Variants in SCFD2 observed in about 807,000 individuals in gnomAD.
The protein encoded by SCFD2 is sec1 family domain containing 2, also known as sec1 family domain-containing protein 2.
A neutral mutation model predicts 58.9 loss-of-function variants in SCFD2; 54 were observed. The observed-to-expected ratio is 0.92, with a 90% CI of 0.74 to 1.15. The LOEUF is 1.15. Among genes scored for constraint, SCFD2 ranks in the 50% most tolerant of loss-of-function variants. The probability of loss-of-function intolerance (pLI) is 0.00; values close to 1 mark genes in which losing one functional copy is unlikely to be tolerated. For missense variants in SCFD2, 805 were observed against 836.6 expected (o/e 0.96, Z 0.47); for synonymous variants, 321 against 335.9 (o/e 0.96, Z 0.49).
rs1466624555 is a variant in SCFD2 at position 53,134,151 on chromosome 4, A to G, written c.1561+11182T>C. ...GTAAATTCATAGAATCAAAGAGTGAAATGATGGTTACCCAGGGCTGGGGTG... is the reference window on the plus strand; with the variant it reads ...GTAAATTCATAGAATCAAAGAGTGAGATGATGGTTACCCAGGGCTGGGGTG... On this transcript the variant is annotated intron_variant, in intron 5 of 8. Transcript: ENST00000401642. 2.0e-5 allele frequency among the ~76,000 whole-genome samples: 3 copies of G among 152,152 alleles called. No homozygotes were observed. In the East Asian group the frequency reaches 5.8e-4, roughly 29 times the overall value.
intron 5 of SCFD2, among the ~76,000 whole-genome samples, chr4:53,097,666 G>T (rs1481498797): frequency 6.6e-6 from 1 of 152,202 alleles, no homozygotes; most frequent in Non-Finnish European, 1.5e-5. Flanking sequence ...TGCAAAGAGA[G>T]ACAATTTGAC....
At chr4:53,144,467 CAT>C (rs1237101131) in intron 5 of SCFD2, among the ~76,000 whole-genome samples, 2 of 146,692 alleles carry the variant, frequency 1.4e-5, no homozygotes, top group Non-Finnish European at 3.0e-5. Flanking sequence ...ATATACTGGA[CAT>C]ATAGATACAG....
At chr4:53,274,099 G>A in intron 3 of SCFD2, 98 bp from the exon 4 acceptor site, 1 of 1,032,134 alleles carries the variant, frequency 9.7e-7, no homozygotes, top group Non-Finnish European at 1.4e-6. Flanking sequence ...TATTTGGGCA[G>A]AACTTCAGAG....
chr4:53,255,352 C>T (rs1022021328), intron 4 of SCFD2, among the ~76,000 whole-genome samples: 3 of 152,024 alleles, frequency 2.0e-5, no homozygotes, highest in South Asian at 2.1e-4. Flanking sequence ...AGGCAGAGGA[C>T]CCTGCGGCCT....
intron 2 of SCFD2, among the ~76,000 whole-genome samples, chr4:53,347,531 A>T (rs1734092146): frequency 6.6e-6 from 1 of 152,192 alleles, no homozygotes; most frequent in South Asian, 2.1e-4. Flanking sequence ...AGGAAAAAAA[A>T]ATGAAATAGG....
chr4:53,365,976 C>G lies in SCFD2; in HGVS notation c.-35G>C. The G allele has an allele frequency of 1.3e-6, 2 of 1,506,226 alleles. No individual in the cohort carries two copies. The highest frequency in any genetic ancestry group is 2.6e-5 in the South Asian group (2 of 75,864). 93.3% of individuals were successfully genotyped at this position (1,506,226 alleles called of 1,614,324 possible). A position where few individuals can be genotyped will look rare whatever the true frequency, so the allele number is the denominator to read the frequency against. On this transcript the variant is annotated 5_prime_UTR_variant, in exon 1 of 9. Transcript: ENST00000401642. The surrounding 1 kb of genome is among the most constrained non-coding windows in gnomAD (Gnocchi z 4.3). ...TTCGCAGACTTGGGAAACTACGGTG[C>G]AGGAACTTCTTTCAGAACTCACCGC...
chr4:53,330,529 A>G (rs1190769871), intron 2 of SCFD2, among the ~76,000 whole-genome samples: 1 of 152,222 alleles, frequency 6.6e-6, no homozygotes, highest in Non-Finnish European at 1.5e-5. Flanking sequence ...AAAATACTTT[A>G]CAGACAAGCA....
intron 5 of SCFD2, among the ~76,000 whole-genome samples, chr4:53,002,844 G>A (rs1721893892): frequency 6.6e-6 from 1 of 152,186 alleles, no homozygotes; most frequent in Non-Finnish European, 1.5e-5. Context: ...TGTACAGGAA[G>A]CATGGTGGAA....
intron 2 of SCFD2, among the ~76,000 whole-genome samples, chr4:53,343,060 A>G (rs936823490): frequency 6.6e-6 from 1 of 152,204 alleles, no homozygotes; most frequent in Non-Finnish European, 1.5e-5. Flanking sequence ...TAGAGAAGCA[A>G]GAGCAAACAC....
At chr4:53,093,361 G>A (rs1308963110) in intron 5 of SCFD2, among the ~76,000 whole-genome samples, 2 of 152,156 alleles carry the variant, frequency 1.3e-5, no homozygotes, top group Admixed American at 6.6e-5. Flanking sequence ...AGAGTCTGAA[G>A]AAACAGTATT....
At chr4:53,271,998 C>A (rs1309182216) in intron 4 of SCFD2, among the ~76,000 whole-genome samples, 8 of 152,070 alleles carry the variant, frequency 5.3e-5, no homozygotes, top group East Asian at 1.9e-4. Context: ...AACTCAAACA[C>A]ATTTACAAGA....
chr4:52,948,495 T>C (rs1292272872), intron 5 of SCFD2: 3 of 456,446 alleles, frequency 6.6e-6, no homozygotes, highest in Non-Finnish European at 1.3e-5. Context: ...TCAGGTTATC[T>C]TGAAGATGCC....
chr4:53,062,033 A>G (rs1723528265), intron 5 of SCFD2, among the ~76,000 whole-genome samples: 1 of 151,890 alleles, frequency 6.6e-6, no homozygotes, highest in South Asian at 2.1e-4. Context: ...CTTAAAATAT[A>G]TATAATTATT....
chr4:52,888,283 C>T (rs1718791148), intron 7 of SCFD2, among the ~76,000 whole-genome samples: 1 of 152,076 alleles, frequency 6.6e-6, no homozygotes, highest in South Asian at 2.1e-4. Context: ...GGCAGGCAGG[C>T]AGGAGGAAAG....
intron 2 of SCFD2, among the ~76,000 whole-genome samples, chr4:53,324,329 G>C: frequency 6.7e-6 from 1 of 148,536 alleles, no homozygotes. Context: ...GAAACAAGAG[G>C]ATCGCTTGAG....
chr4:53,303,846 G>T (rs868245211), intron 3 of SCFD2, among the ~76,000 whole-genome samples: 1 of 149,848 alleles, frequency 6.7e-6, no homozygotes, highest in African/African-American at 2.5e-5. Context: ...GCAAACTATC[G>T]CAAGGACAAA....
intron 5 of SCFD2, among the ~76,000 whole-genome samples, chr4:53,105,598 C>T (rs1457535327): frequency 1.3e-5 from 2 of 152,338 alleles, no homozygotes; most frequent in African/African-American, 2.4e-5. Flanking sequence ...GAGCCCACTG[C>T]AGCTCCGCAA....
chr4:52,874,128 T>C, intron 8 of SCFD2, 67 bp from the exon 9 acceptor site: 4 of 1,062,920 alleles, frequency 3.8e-6, no homozygotes, highest in South Asian at 1.3e-5. Flanking sequence ...TATTGGATGA[T>C]GAGAAATAGA....
At chr4:52,896,618 G>A (rs1719021754) in intron 7 of SCFD2, among the ~76,000 whole-genome samples, 1 of 152,118 alleles carries the variant, frequency 6.6e-6, no homozygotes, top group Non-Finnish European at 1.5e-5. Flanking sequence ...TTGTTCTTTT[G>A]GCTTAGGATT....
Sources: gnomAD v4.1 joint callset for allele counts (sites outside exome capture counted in the v4.1 genomes callset) on GRCh38, gnomAD v4.1.1 for gene constraint, Gnocchi (gnomAD v3.1) non-coding constraint, MANE v1.5 for transcripts, NCBI Gene and HGNC (gene_info 2026-07-23, HGNC 2026-07-21) for gene names.